Variants in PCDHGA7 observed in about 807,000 individuals in gnomAD.
PCDHGA7 encodes protocadherin gamma-A7.
In PCDHGA7, 44 loss-of-function variants were observed where a neutral mutation model predicts 58.3. The observed-to-expected ratio is 0.75, with a 90% CI of 0.59 to 0.97. The LOEUF (loss-of-function observed/expected upper bound fraction) is 0.97, where lower values mean the gene tolerates loss of function less well. Ranked by LOEUF, PCDHGA7 falls within the 50% of genes least tolerant of loss-of-function variation. The pLI, the probability that PCDHGA7 is intolerant of heterozygous loss-of-function variation, is 0.00. For missense variants in PCDHGA7, 1,266 were observed against 1,188.7 expected, an observed-to-expected ratio of 1.06 and a Z score of -0.96; for synonymous variants, 516 against 504.2, an observed-to-expected ratio of 1.02 and a Z score of -0.31.
At chr5:141,409,707 C>T in intron 1 of PCDHGA7, 1 of 1,613,248 alleles carries the variant, frequency 6.2e-7, no homozygotes, top group Non-Finnish European at 8.5e-7. Flanking sequence ...CTGGCGGTGT[C>T]GTCATACGTG....
At position 141,505,200 on chromosome 5, in the gene PCDHGA7, G is replaced by T. The variant is rs528060752; in HGVS notation, c.2484-193G>T. On this transcript the variant is annotated intron_variant, in intron 2 of 3. Transcript: ENST00000518325. ...AAAGCATCGGAGGCAGCAAAGAGCTGGTTTGAGGGACTGACTTGTGGGATT... is the reference window on the plus strand; with the variant it reads ...AAAGCATCGGAGGCAGCAAAGAGCTTGTTTGAGGGACTGACTTGTGGGATT... Among the ~76,000 whole-genome samples the T allele has an allele frequency of 6.6e-5, 10 of 152,244 alleles. No individual in the cohort carries two copies. The East Asian group carries it at 7.7e-4, about 12-fold the overall frequency.
In PCDHGA7 at chr5:141,487,519, T is replaced by C. The variant is rs1288070159; in HGVS notation, c.2425-7288T>C. The C allele has an allele frequency of 6.2e-7, 1 of 1,614,046 alleles. No individual in the cohort carries two copies. ...CCTTGGCTTCTGCACCCACTCGGAG[T>C]GATAGCTTCATGATGGTGAAGTCAC... On this transcript the variant is annotated intron_variant, in intron 1 of 3. Transcript: ENST00000518325. The surrounding 1 kb of genome is among the most constrained non-coding windows in gnomAD (Gnocchi z 5.0).
At chr5:141,393,754 T>G in intron 1 of PCDHGA7, 1 of 1,613,892 alleles carries the variant, frequency 6.2e-7, no homozygotes, top group Non-Finnish European at 8.5e-7. Flanking sequence ...GAATGTTCAT[T>G]TTATGAAATG....
At chr5:141,503,284 G>C (rs899456087) in intron 2 of PCDHGA7, among the ~76,000 whole-genome samples, 2 of 152,044 alleles carry the variant, frequency 1.3e-5, no homozygotes, top group African/African-American at 4.8e-5. Flanking sequence ...TCTGTGTCTG[G>C]TACATAGAAA....
intron 1 of PCDHGA7, chr5:141,420,464 C>A: frequency 1.2e-6 from 1 of 801,488 alleles, no homozygotes; most frequent in South Asian, 4.0e-5. Flanking sequence ...TATTCAAAGA[C>A]ATTTTAAAGC....
chr5:141,489,775 T>C lies in PCDHGA7; in HGVS notation c.2425-5032T>C, dbSNP rs748163008. The C allele has an allele frequency of 6.2e-7, 1 of 1,614,110 alleles. No homozygotes were observed. The highest frequency in any genetic ancestry group is 8.5e-7 in the Non-Finnish European group (1 of 1,179,986). Reference sequence around the variant, plus strand: ...CACTCTAAGCCCCAACAGCCACTTCTCTCTGAATGTGAAGACCCTAAAAGA... The same window carrying C: ...CACTCTAAGCCCCAACAGCCACTTCCCTCTGAATGTGAAGACCCTAAAAGA... On this transcript the variant is annotated intron_variant, in intron 1 of 3. Coordinates refer to ENST00000518325, the MANE Select transcript of PCDHGA7 (RefSeq NM_018920.4). This position sits in a 1 kb window ranked among gnomAD's most constrained non-coding sequence, Gnocchi z 4.5.
rs751905674 is a variant in PCDHGA7, at chr5:141,408,643, C to A, written c.2424+23320C>A. On this transcript the variant is annotated intron_variant, in intron 1 of 3. Coordinates refer to ENST00000518325, the MANE Select transcript of PCDHGA7 (RefSeq NM_018920.4). ...ATTTAGAAATTTTCGAATCTGCATCCGCTGGTACACGACTATCGCTTGACC... is the reference window on the plus strand; with the variant it reads ...ATTTAGAAATTTTCGAATCTGCATCAGCTGGTACACGACTATCGCTTGACC... 13 of 1,613,792 alleles carry A rather than the reference C, an allele frequency of 8.1e-6. No homozygotes were observed. The African/African-American group carries it at 1.6e-4, about 20-fold the overall frequency.
chr5:141,436,337 A>G (rs1450981655), intron 1 of PCDHGA7, among the ~76,000 whole-genome samples: 1 of 152,178 alleles, frequency 6.6e-6, no homozygotes, highest in Non-Finnish European at 1.5e-5. Flanking sequence ...CATATCTCAA[A>G]TATCAGTGAC....
At chr5:141,399,255 G>A (rs767281843) in intron 1 of PCDHGA7, 6 of 1,613,892 alleles carry the variant, frequency 3.7e-6, no homozygotes, top group Non-Finnish European at 5.1e-6. Context: ...GGGAAAATGG[G>A]GAGGTTAATT....
intron 1 of PCDHGA7, among the ~76,000 whole-genome samples, chr5:141,462,331 T>C (rs909948238): frequency 6.6e-6 from 1 of 152,244 alleles, no homozygotes; most frequent in African/African-American, 2.4e-5. Context: ...TCTAATTTAA[T>C]TGTATTGTGA....
chr5:141,447,851 C>T (rs961725006), intron 1 of PCDHGA7, among the ~76,000 whole-genome samples: 1 of 151,980 alleles, frequency 6.6e-6, no homozygotes, highest in East Asian at 1.9e-4. Flanking sequence ...TTTGGGAGGC[C>T]GAGGTGGGTG....
At position 141,491,290 on chromosome 5, in the gene PCDHGA7, C is replaced by T. The variant is rs747758229; in HGVS notation, c.2425-3517C>T. Reference sequence around the variant, plus strand: ...CAAATCCAGTGACTTCCTCATACACCCTCCTGAGCGTTCAGACCTTACCCT... The same window carrying T: ...CAAATCCAGTGACTTCCTCATACACTCTCCTGAGCGTTCAGACCTTACCCT... On this transcript the variant is annotated intron_variant, in intron 1 of 3. Coordinates refer to ENST00000518325, the MANE Select transcript of PCDHGA7 (RefSeq NM_018920.4). The surrounding 1 kb of genome is among the most constrained non-coding windows in gnomAD (Gnocchi z 6.9). 6.2e-7 allele frequency: 1 copy of T among 1,613,974 alleles called. No homozygotes were observed. Among genetic ancestry groups the T allele is most frequent in the Non-Finnish European group, 8.5e-7 (1 of 1,179,952 alleles).
At chr5:141,457,175 A>C (rs1447297536) in intron 1 of PCDHGA7, among the ~76,000 whole-genome samples, 2 of 152,192 alleles carry the variant, frequency 1.3e-5, no homozygotes, top group Non-Finnish European at 2.9e-5. Flanking sequence ...ACCCTATTGC[A>C]AATAGTAGAG....
At chr5:141,421,986 AG>A in intron 1 of PCDHGA7, 2 of 1,609,004 alleles carry the variant, frequency 1.2e-6, no homozygotes, top group Non-Finnish European at 1.7e-6. Flanking sequence ...TGAGTGTTCC[AG>A]AAAACATCAG....
chr5:141,427,887 C>G, intron 1 of PCDHGA7: 1 of 1,565,908 alleles, frequency 6.4e-7, no homozygotes, highest in South Asian at 1.1e-5. Flanking sequence ...GGCCCACGAC[C>G]AGGGCTCGCC....
chr5:141,468,330 CAA>C lies in PCDHGA7; in HGVS notation c.2425-26459_2425-26458del, dbSNP rs533390277. 202 of 79,822 alleles carry C rather than the reference CAA, an allele frequency of 2.5e-3. 2 individuals are homozygous for C. The highest frequency in any genetic ancestry group is 7.9e-3 in the Middle Eastern group (1 of 126). The allele number at this position is 79,822 out of a possible 1,614,324, so 4.9% of individuals were successfully genotyped here. Reference sequence around the variant, plus strand: ...ACAAGAGCAACGGTAAACTCCATCTCAAAAAAAAAAAAAAAAAAAGAAAGAAA... The same window carrying C: ...ACAAGAGCAACGGTAAACTCCATCTCAAAAAAAAAAAAAAAAAGAAAGAAA... On this transcript the variant is annotated intron_variant, in intron 1 of 3. Transcript: ENST00000518325.
chr5:141,510,895 CTGT>C, intron 3 of PCDHGA7, 49 bp from the exon 4 acceptor site: 1 of 1,612,988 alleles, frequency 6.2e-7, no homozygotes, highest in Non-Finnish European at 8.5e-7. Flanking sequence ...AAGACAGTGA[CTGT>C]TGAGGACCCT....
chr5:141,500,173 T>G (rs1666567886), intron 2 of PCDHGA7, among the ~76,000 whole-genome samples: 1 of 149,340 alleles, frequency 6.7e-6, no homozygotes, highest in East Asian at 1.9e-4. Context: ...ATGCATGAGC[T>G]TCATTTTTAT....
rs747491955 is a variant in PCDHGA7, at chr5:141,383,626, T to C, written c.727T>C (p.Ser243Pro). The change falls in exon 1 of 4, where the codon TCT (serine) becomes CCT (proline). Residue 243 changes from serine to proline, a missense_variant. Transcript: ENST00000518325. ...TGTGAATGACCACACGCCTGTCTTC[T>C]CTCTGCCTCAGTACCAAGTAACTGT... ...VDVNDHTPVF[S>P]LPQYQVTVPE... The C allele has an allele frequency of 6.2e-7, 1 of 1,613,896 alleles. No homozygotes were observed. Among genetic ancestry groups the C allele is most frequent in the Non-Finnish European group, 8.5e-7 (1 of 1,179,898 alleles).
Sources: allele counts gnomAD v4.1 joint callset (sites outside exome capture counted in the v4.1 genomes callset), GRCh38; gene constraint gnomAD v4.1.1; non-coding constraint Gnocchi (gnomAD v3.1); transcripts MANE v1.5; gene names NCBI Gene and HGNC (gene_info 2026-07-23, HGNC 2026-07-21).